Variants in CHRM3 observed in about 807,000 individuals in gnomAD.
The protein encoded by CHRM3 is cholinergic receptor muscarinic 3.
In CHRM3, 11 loss-of-function variants were observed where a neutral mutation model predicts 41.8. That is an observed-to-expected ratio of 0.26 (90% confidence interval 0.17 to 0.44). The LOEUF (loss-of-function observed/expected upper bound fraction) is 0.44. Among genes scored for constraint, CHRM3 ranks in the 20% least tolerant of loss-of-function variants. The pLI is 1.00. For synonymous variants in CHRM3, 297 were observed against 301.4 expected (o/e 0.99, Z 0.15); for missense variants, 571 against 745.4 (o/e 0.77, Z 2.72).
chr1:239,706,159 CAT>C (rs983505351), intron 5 of CHRM3, among the ~76,000 whole-genome samples: 11 of 148,876 alleles, frequency 7.4e-5, no homozygotes, highest in East Asian at 2.0e-4. Context: ...TACAAACTAA[CAT>C]ATATTATATA....
chr1:239,836,697 G>T (rs1673348369), intron 6 of CHRM3, among the ~76,000 whole-genome samples: 1 of 152,118 alleles, frequency 6.6e-6, no homozygotes, highest in Non-Finnish European at 1.5e-5. Context: ...GGTGGAGGGG[G>T]CCTGGCGTGG....
intron 1 of CHRM3, among the ~76,000 whole-genome samples, chr1:239,482,019 G>A (rs1197315670): frequency 1.3e-5 from 2 of 152,074 alleles, no homozygotes; most frequent in Non-Finnish European, 2.9e-5. Context: ...TTTTTTGGAA[G>A]CATGTTTCGA....
At chr1:239,524,975 A>G (rs530751311) in intron 2 of CHRM3, among the ~76,000 whole-genome samples, 1 of 152,358 alleles carries the variant, frequency 6.6e-6, no homozygotes, top group South Asian at 2.1e-4. Context: ...AAATTCAAGC[A>G]TTCCAATCTG....
chr1:239,809,873 A>G (rs981025804), intron 5 of CHRM3, among the ~76,000 whole-genome samples: 1 of 152,148 alleles, frequency 6.6e-6, no homozygotes, highest in Non-Finnish European at 1.5e-5. Context: ...GGGCCTTATG[A>G]AAAGATAAGA....
At chr1:239,650,348 T>A (rs1042677228) in intron 4 of CHRM3, among the ~76,000 whole-genome samples, 1 of 152,244 alleles carries the variant, frequency 6.6e-6, no homozygotes, top group Non-Finnish European at 1.5e-5. Context: ...CTCTAAGCCT[T>A]AGTTTCTCTC....
intron 1 of CHRM3, among the ~76,000 whole-genome samples, chr1:239,460,228 A>G (rs539865700): frequency 2.6e-5 from 4 of 152,146 alleles, no homozygotes; most frequent in Non-Finnish European, 4.4e-5. Flanking sequence ...GGAAAGGCCA[A>G]ACATAAAAGG....
At chr1:239,693,550 C>A (rs187993268) in intron 5 of CHRM3, among the ~76,000 whole-genome samples, 1 of 152,188 alleles carries the variant, frequency 6.6e-6, no homozygotes, top group South Asian at 2.1e-4. Context: ...GCAGCCCAAG[C>A]GGACTAATAT....
At chr1:239,829,357 C>G (rs1223728296) in intron 6 of CHRM3, among the ~76,000 whole-genome samples, 1 of 151,866 alleles carries the variant, frequency 6.6e-6, no homozygotes, top group Non-Finnish European at 1.5e-5. Flanking sequence ...GGTACAGCCC[C>G]CTGGGACTGG....
intron 5 of CHRM3, among the ~76,000 whole-genome samples, chr1:239,821,184 G>A (rs6429159): frequency 0.66 from 100,897 of 152,126 alleles, 34,210 homozygotes; most frequent in East Asian, 0.86. Context: ...CAAAAGGCCT[G>A]TTAACTCTAT....
intron 1 of CHRM3, among the ~76,000 whole-genome samples, chr1:239,475,652 C>A (rs1666419564): frequency 1.3e-5 from 2 of 152,092 alleles, no homozygotes; most frequent in African/African-American, 4.8e-5. Context: ...AATGTACCAA[C>A]ATTAACTCAT....
chr1:239,584,432 T>C (rs186343930), intron 3 of CHRM3, among the ~76,000 whole-genome samples: 26 of 152,278 alleles, frequency 1.7e-4, no homozygotes, highest in Admixed American at 3.3e-4. Context: ...TTTGAGCGGC[T>C]GAGATAGAAA....
chr1:239,394,868 A>G (rs541426766), intron 1 of CHRM3, among the ~76,000 whole-genome samples: 39 of 152,166 alleles, frequency 2.6e-4, no homozygotes, highest in African/African-American at 8.9e-4. Flanking sequence ...CCACTTCTAA[A>G]TTTTCATGAT....
In CHRM3 at chr1:239,521,490, A is replaced by T. The variant is rs1307185414; in HGVS notation, c.-421-24151A>T. ...TCTGGAATTCTCAAGTGGTGACATG[A>T]TAATATTGGTTTTCTATCATTACAA... On this transcript the variant is annotated intron_variant, in intron 2 of 6. Transcript: ENST00000676153. Among the ~76,000 whole-genome samples the T allele has an allele frequency of 2.0e-5, 3 of 152,356 alleles. No individual in the cohort carries two copies. The East Asian group carries it at 5.8e-4, about 29-fold the overall frequency.
Position 239,763,475 on chromosome 1 carries a change from A to G in CHRM3, c.-146-63777A>G, listed in dbSNP as rs72758755. Among the ~76,000 whole-genome samples, 224 of 152,332 alleles carry G rather than the reference A, an allele frequency of 1.5e-3. 1 individual carries two copies. The highest frequency in any genetic ancestry group is 2.4e-3 in the Non-Finnish European group (160 of 68,026). ...GTCCCAGAGAAAGGAACTTTCTTTC[A>G]AGTCAGGTAGTTAATTAACAACATC... On this transcript the variant is annotated intron_variant, in intron 5 of 6. Coordinates refer to ENST00000676153, the MANE Select transcript of CHRM3 (RefSeq NM_001375978.1).
At chr1:239,817,906 A>AAAGGAAAT (rs1232154859) in intron 5 of CHRM3, among the ~76,000 whole-genome samples, 1 of 152,096 alleles carries the variant, frequency 6.6e-6, no homozygotes, top group Non-Finnish European at 1.5e-5. Flanking sequence ...TCCTTTCCTG[A>AAAGGAAAT]GCCTGTTTCT....
intron 5 of CHRM3, among the ~76,000 whole-genome samples, chr1:239,736,223 C>A (rs566153416): frequency 6.6e-6 from 1 of 152,160 alleles, no homozygotes; most frequent in East Asian, 1.9e-4. Context: ...ATTTAAGGAT[C>A]TGGCAGTAAG....
rs1246725287 is a variant in CHRM3 at position 239,796,409 on chromosome 1, C to A, written c.-146-30843C>A. Among the ~76,000 whole-genome samples, 3 of 152,040 alleles carry A rather than the reference C, an allele frequency of 2.0e-5. No homozygotes were observed. In the East Asian group the frequency reaches 5.8e-4, roughly 29 times the overall value. On this transcript the variant is annotated intron_variant, in intron 5 of 6. Coordinates refer to ENST00000676153, the MANE Select transcript of CHRM3 (RefSeq NM_001375978.1). ...GAAATCACACAAGAGGAACGTATAC[C>A]ACCAAAGGTCTTATCATAGTTATAT...
intron 5 of CHRM3, among the ~76,000 whole-genome samples, chr1:239,801,480 T>C (rs1282247011): frequency 1.3e-5 from 2 of 152,158 alleles, no homozygotes; most frequent in Non-Finnish European, 2.9e-5. Context: ...ATTACAGAAG[T>C]GTGCCTCATA....
At chr1:239,391,493 C>G (rs144103191) in intron 1 of CHRM3, among the ~76,000 whole-genome samples, 35 of 152,302 alleles carry the variant, frequency 2.3e-4, no homozygotes, top group African/African-American at 8.2e-4. Context: ...GATTCCCCAG[C>G]CTCTGGCAGG....
Sources: allele counts gnomAD v4.1 joint callset (sites outside exome capture counted in the v4.1 genomes callset), GRCh38; gene constraint gnomAD v4.1.1; transcripts MANE v1.5; gene names NCBI Gene and HGNC (gene_info 2026-07-23, HGNC 2026-07-21).